MTREX: variants seen among roughly 807,000 people sequenced by gnomAD.
MTREX encodes exosome RNA helicase MTR4.
A neutral mutation model predicts 135.4 loss-of-function variants in MTREX; 76 were observed. The observed-to-expected ratio is 0.56, with a 90% confidence interval of 0.47 to 0.68. MTREX has a LOEUF of 0.68. Ranked by LOEUF, MTREX falls within the 30% of genes least tolerant of loss-of-function variation. The pLI is 0.00. For synonymous variants in MTREX, 404 were observed against 401.6 expected (o/e 1.01, Z -0.07); for missense variants, 920 against 1,262.1 (o/e 0.73, Z 4.11).
At chr5:55,360,972 A>G (rs1462902823) in intron 15 of MTREX, among the ~76,000 whole-genome samples, 1 of 152,204 alleles carries the variant, frequency 6.6e-6, no homozygotes, top group South Asian at 2.1e-4. Context: ...TTAAATGGCA[A>G]ATCCTGCTTT....
intron 24 of MTREX, among the ~76,000 whole-genome samples, chr5:55,415,294 C>T (rs1750950228): frequency 6.6e-6 from 1 of 151,786 alleles, no homozygotes; most frequent in Admixed American, 6.6e-5. Context: ...TATACCAAAC[C>T]CCTGAGTCAC....
At chr5:55,409,819 G>T (rs941800596) in intron 22 of MTREX, among the ~76,000 whole-genome samples, 2 of 152,230 alleles carry the variant, frequency 1.3e-5, no homozygotes, top group Non-Finnish European at 2.9e-5. Flanking sequence ...ATATTTTTCA[G>T]ATTTGTGGAT....
At chr5:55,312,987 A>C (rs766541147) in intron 1 of MTREX, among the ~76,000 whole-genome samples, 1 of 152,172 alleles carries the variant, frequency 6.6e-6, no homozygotes, top group Non-Finnish European at 1.5e-5. Flanking sequence ...ACTGGATTTC[A>C]TTGCTTTTAG....
intron 25 of MTREX, among the ~76,000 whole-genome samples, chr5:55,418,247 GAAAA>G (rs1053403284): frequency 9.5e-5 from 12 of 126,228 alleles, no homozygotes; most frequent in African/African-American, 2.9e-4. Flanking sequence ...AAAAAAAAAA[GAAAA>G]AAAGAAAAGT....
intron 16 of MTREX, among the ~76,000 whole-genome samples, chr5:55,367,752 A>G (rs1327669290): frequency 6.6e-6 from 1 of 152,222 alleles, no homozygotes; most frequent in Non-Finnish European, 1.5e-5. Context: ...GATGGTCATA[A>G]GAGCTGATTA....
intron 1 of MTREX, among the ~76,000 whole-genome samples, chr5:55,317,972 C>G (rs1191649951): frequency 1.3e-5 from 2 of 152,140 alleles, no homozygotes; most frequent in Non-Finnish European, 2.9e-5. Flanking sequence ...CATGAACAGA[C>G]ATTTCTCAAA....
At chr5:55,400,102 C>A in intron 20 of MTREX, 131 bp from the exon 21 acceptor site, 3 of 597,664 alleles carry the variant, frequency 5.0e-6, no homozygotes, top group Non-Finnish European at 8.0e-6. Flanking sequence ...TTTAAATTGG[C>A]AAAAGACAAA....
At chr5:55,377,884 A>G (rs962988477) in intron 16 of MTREX, among the ~76,000 whole-genome samples, 2 of 152,024 alleles carry the variant, frequency 1.3e-5, no homozygotes, top group African/African-American at 4.8e-5. Flanking sequence ...TGTTTTAGAG[A>G]CTGACCTAAA....
At chr5:55,344,088 A>G (rs964474966) in intron 8 of MTREX, among the ~76,000 whole-genome samples, 2 of 152,160 alleles carry the variant, frequency 1.3e-5, no homozygotes, top group African/African-American at 2.4e-5. Flanking sequence ...TAGGATAGAA[A>G]AATCCAATGG....
At chr5:55,400,081 A>G (rs919398230) in intron 20 of MTREX, 152 bp from the exon 21 acceptor site, 2 of 496,628 alleles carry the variant, frequency 4.0e-6, no homozygotes, top group African/African-American at 3.8e-5. Flanking sequence ...CAATGGAAAA[A>G]TGCCCTATAA....
Position 55,378,223 on chromosome 5 carries a change from G to T in MTREX, c.1811-91G>T, listed in dbSNP as rs1025576548. ...GTAAACAAAAACCGCAACTACACTT[G>T]CACCAACCTAATAGAAAAAATCCTA... On this transcript the variant is annotated intron_variant, in intron 16 of 26. Transcript: ENST00000230640. 8 of 1,401,786 alleles carry T rather than the reference G, an allele frequency of 5.7e-6. No individual in the cohort carries two copies. The Admixed American group carries it at 2.0e-4, about 34-fold the overall frequency. The allele number at this position is 1,401,786 out of a possible 1,614,324, so 86.8% of individuals were successfully genotyped here. A position where few individuals can be genotyped will look rare whatever the true frequency, so the allele number is the denominator to read the frequency against.
rs759805547 is a variant in MTREX at position 55,366,789 on chromosome 5, G to A, written c.1724G>A (p.Arg575His). ...TACAACATGGTTTTGAACTTACTAC[G>A]TGTAGAAGAAATTAATCCTGAGTAC... is the stretch of plus-strand genomic sequence containing the variant. ...LTYNMVLNLLRVEEINPEYML... is the reference protein window; with the variant it reads ...LTYNMVLNLLHVEEINPEYML... The change falls in exon 16 of 27, where the codon CGT (arginine) becomes CAT (histidine). Residue 575 changes from arginine (R) to histidine (H), a missense_variant. Arg to His is a conservative substitution (Grantham distance 29). This residue lies in a region of MTREX where 467 missense variants were observed against 589.7 expected (regional missense o/e 0.79). Coordinates refer to ENST00000230640, the MANE Select transcript of MTREX (RefSeq NM_015360.5). 3.1e-6 allele frequency: 5 copies of A among 1,610,694 alleles called. No homozygotes were observed. The South Asian group carries it at 3.3e-5, about 11-fold the overall frequency.
intron 10 of MTREX, among the ~76,000 whole-genome samples, chr5:55,346,014 A>G (rs1317269676): frequency 2.6e-5 from 4 of 152,146 alleles, no homozygotes; most frequent in Non-Finnish European, 4.4e-5. Flanking sequence ...TCATGGTTAA[A>G]TAACATTCCA....
At chr5:55,335,089 T>A (rs188259470) in intron 5 of MTREX, among the ~76,000 whole-genome samples, 15 of 152,168 alleles carry the variant, frequency 9.9e-5, no homozygotes, top group Middle Eastern at 3.4e-3. Context: ...TGACTAAGGG[T>A]GTTAAGCATC....
At position 55,308,054 on chromosome 5, in the gene MTREX, A is replaced by T. The variant is rs751100936; in HGVS notation, c.41A>T (p.Glu14Val). Residue 14 changes from glutamate (E) to valine (V), a missense_variant, in exon 1 of 27, where the codon GAG (glutamate) becomes GTG (valine). By Grantham distance (121) the Glu-to-Val change is moderately radical (BLOSUM62 -2). Around this residue, in one of 6 missense-constraint regions of MTREX, gnomAD observed 136 missense variants for 126.7 expected, o/e 1.07. Coordinates refer to ENST00000230640, the MANE Select transcript of MTREX (RefSeq NM_015360.5). ...AFGDELFSVF[E>V]GDSTTAAGTK... ...GGAGATGAGCTGTTCAGCGTGTTCG[A>T]GGGCGACTCGACCACTGCGGCGGGA... 1 of 1,614,110 alleles carries T rather than the reference A, an allele frequency of 6.2e-7. No homozygotes were observed. Among genetic ancestry groups the T allele is most frequent in the South Asian group, 1.1e-5 (1 of 91,078 alleles).
chr5:55,339,091 C>T (rs982142229), intron 5 of MTREX, among the ~76,000 whole-genome samples: 3 of 152,032 alleles, frequency 2.0e-5, no homozygotes, highest in Non-Finnish European at 4.4e-5. Flanking sequence ...TGCGCCCGGC[C>T]TAATCTGTAG....
At chr5:55,398,280 G>T (rs997945796) in intron 20 of MTREX, among the ~76,000 whole-genome samples, 23 of 39,568 alleles carry the variant, frequency 5.8e-4, no homozygotes, top group African/African-American at 1.3e-3. Context: ...TGATTTTAAC[G>T]AAGTTATTTA....
intron 15 of MTREX, among the ~76,000 whole-genome samples, chr5:55,366,509 A>G (rs1023059447): frequency 6.6e-6 from 1 of 152,158 alleles, no homozygotes; most frequent in Non-Finnish European, 1.5e-5. Context: ...CACATTTGGC[A>G]AACAGTATTT....
At chr5:55,398,912 C>G (rs1277630785) in intron 20 of MTREX, among the ~76,000 whole-genome samples, 1 of 152,114 alleles carries the variant, frequency 6.6e-6, no homozygotes, top group African/African-American at 2.4e-5. Context: ...ACATCATTCA[C>G]CACATAGTGA....
Sources: allele counts gnomAD v4.1 joint callset (sites outside exome capture counted in the v4.1 genomes callset), GRCh38; gene constraint gnomAD v4.1.1; regional missense constraint gnomAD v4.1.1; transcripts MANE v1.5; gene names NCBI Gene and HGNC (gene_info 2026-07-23, HGNC 2026-07-21).